The following GHR variants were observed in gnomAD, a reference collection of about 807,000 sequenced individuals.
GHR encodes GH receptor.
Under a neutral mutation model 67.1 loss-of-function variants are expected in GHR, and 35 were observed. That is an observed-to-expected ratio of 0.52 (90% CI 0.40 to 0.69). The LOEUF (loss-of-function observed/expected upper bound fraction) is 0.69. Ranked by LOEUF, GHR falls within the 30% of genes least tolerant of loss-of-function variation. GHR has a pLI of 0.00. For synonymous variants in GHR, 272 were observed against 269.1 expected (o/e 1.01, Z -0.10); for missense variants, 792 against 764.6 (o/e 1.04, Z -0.42).
At chr5:42,594,535 A>G (rs12653075) in intron 2 of GHR, among the ~76,000 whole-genome samples, 2 of 152,280 alleles carry the variant, frequency 1.3e-5, no homozygotes, top group South Asian at 2.1e-4. Context: ...TATTAGTGCT[A>G]TGTTTAAAGC....
Position 42,718,650 on chromosome 5 carries a change from T to A in GHR, c.1143T>A (p.Asp381Glu). 1 of 1,614,170 alleles carries A rather than the reference T, an allele frequency of 6.2e-7. No individual in the cohort carries two copies. The highest frequency in any genetic ancestry group is 8.5e-7 in the Non-Finnish European group (1 of 1,180,022). ...CACATAGTAACCTAGGGGTGAAGGATGGCGACTCTGGACGTACCAGCTGTT... is the reference window on the plus strand; with the variant it reads ...CACATAGTAACCTAGGGGTGAAGGAAGGCGACTCTGGACGTACCAGCTGTT... ...EKSHSNLGVK[D>E]GDSGRTSCCE... Residue 381 changes from aspartate to glutamate, a missense_variant, in exon 10 of 10, where the codon GAT (aspartate) becomes GAA (glutamate). Coordinates refer to ENST00000230882, the MANE Select transcript of GHR (RefSeq NM_000163.5).
At chr5:42,472,176 C>T (rs1745043459) in intron 1 of GHR, among the ~76,000 whole-genome samples, 1 of 152,134 alleles carries the variant, frequency 6.6e-6, no homozygotes, top group Non-Finnish European at 1.5e-5. Flanking sequence ...AAAATTCCAT[C>T]CCTTAAACAT....
chr5:42,604,692 A>G (rs1431721047), intron 2 of GHR, among the ~76,000 whole-genome samples: 2 of 141,494 alleles, frequency 1.4e-5, no homozygotes, highest in Non-Finnish European at 3.0e-5. Flanking sequence ...AACTGTGGAC[A>G]AAGTAATATC....
rs1748136659 is a variant in GHR at position 42,534,283 on chromosome 5, T to G, written c.-11-31581T>G. ...ATGTGTATATGTGTATATATGTATA[T>G]ATGTACATGTGTATATGTGTATATA... is the stretch of plus-strand genomic sequence containing the variant. On this transcript the variant is annotated intron_variant, in intron 1 of 9. Transcript: ENST00000230882. 1.4e-5 allele frequency among the ~76,000 whole-genome samples: 2 copies of G among 141,328 alleles called. 1 individual carries two copies. The highest frequency in any genetic ancestry group is 3.0e-5 in the Non-Finnish European group (2 of 66,574). 92.7% of individuals were successfully genotyped at this position (141,328 alleles called of 152,430 possible). A position where few individuals can be genotyped will look rare whatever the true frequency, so the allele number is the denominator to read the frequency against.
chr5:42,689,486 G>A (rs957558192), intron 4 of GHR, among the ~76,000 whole-genome samples: 1 of 152,116 alleles, frequency 6.6e-6, no homozygotes, highest in Non-Finnish European at 1.5e-5. Flanking sequence ...CTTGAATGAT[G>A]CTGAAATGCG....
At chr5:42,636,231 A>C (rs1282449384) in intron 3 of GHR, among the ~76,000 whole-genome samples, 2 of 151,512 alleles carry the variant, frequency 1.3e-5, no homozygotes, top group East Asian at 3.9e-4. Flanking sequence ...AAAAAAAAAA[A>C]AATTAGAGCC....
chr5:42,570,502 G>C (rs1279456330), intron 2 of GHR, among the ~76,000 whole-genome samples: 1 of 152,130 alleles, frequency 6.6e-6, no homozygotes, highest in Non-Finnish European at 1.5e-5. Context: ...ATTCAAGGAG[G>C]AATTTCATGT....
intron 2 of GHR, among the ~76,000 whole-genome samples, chr5:42,582,237 T>G (rs1413153671): frequency 6.6e-6 from 1 of 152,208 alleles, no homozygotes; most frequent in African/African-American, 2.4e-5. Flanking sequence ...CAGTCCCCAG[T>G]GAAGCTCCAC....
At chr5:42,507,100 T>C (rs1746810182) in intron 1 of GHR, among the ~76,000 whole-genome samples, 1 of 152,234 alleles carries the variant, frequency 6.6e-6, no homozygotes, top group Admixed American at 6.5e-5. Flanking sequence ...TGACACAGAA[T>C]CTTAGAGGCT....
chr5:42,670,535 TA>T (rs965943585), intron 3 of GHR, among the ~76,000 whole-genome samples: 6 of 152,004 alleles, frequency 3.9e-5, no homozygotes, highest in Admixed American at 6.6e-5. Context: ...TGCATCAGAC[TA>T]AAAAACTTCT....
At chr5:42,438,110 ATTAC>A (rs1490943214) in intron 1 of GHR, among the ~76,000 whole-genome samples, 1 of 152,180 alleles carries the variant, frequency 6.6e-6, no homozygotes, top group Non-Finnish European at 1.5e-5. Context: ...TGCTTAAGCA[ATTAC>A]TTCTGTGTAA....
chr5:42,516,420 T>C (rs1319376251), intron 1 of GHR, among the ~76,000 whole-genome samples: 1 of 152,116 alleles, frequency 6.6e-6, no homozygotes, highest in Non-Finnish European at 1.5e-5. Context: ...GGTGAGCTGG[T>C]TGAAATCCTG....
intron 1 of GHR, among the ~76,000 whole-genome samples, chr5:42,483,444 T>A (rs1745743438): frequency 6.6e-6 from 1 of 151,202 alleles, no homozygotes; most frequent in Non-Finnish European, 1.5e-5. Context: ...GCCCCATTGG[T>A]GAGTTTATGA....
chr5:42,675,565 G>T lies in GHR; in HGVS notation c.137-13325G>T, dbSNP rs145440482. Among the ~76,000 whole-genome samples, 30 of 152,250 alleles carry T rather than the reference G, an allele frequency of 2.0e-4. 5 individuals are homozygous for T. Among genetic ancestry groups the T allele is most frequent in the African/African-American group, 7.2e-4 (30 of 41,542 alleles). ...CCAAGTAAATCTTGTGAAAGCGAAA[G>T]GAAAGAGGAGAAGGAAGATTTGAGT... is the stretch of plus-strand genomic sequence containing the variant. On this transcript the variant is annotated intron_variant, in intron 3 of 9. Transcript: ENST00000230882.
intron 3 of GHR, among the ~76,000 whole-genome samples, chr5:42,679,046 C>T (rs1465083250): frequency 7.0e-6 from 1 of 142,856 alleles, no homozygotes; most frequent in African/African-American, 2.6e-5. Context: ...TTTATATTAA[C>T]AATATGTAAA....
intron 2 of GHR, among the ~76,000 whole-genome samples, chr5:42,593,121 C>T (rs940619576): frequency 2.6e-5 from 4 of 152,086 alleles, no homozygotes; most frequent in Admixed American, 6.5e-5. Flanking sequence ...TTCCAATAAT[C>T]GATTTTTTAA....
At chr5:42,476,399 T>C (rs552970584) in intron 1 of GHR, among the ~76,000 whole-genome samples, 10 of 151,842 alleles carry the variant, frequency 6.6e-5, no homozygotes, top group African/African-American at 2.4e-4. Context: ...TTTTTGTTTT[T>C]TAGTAGAGAC....
chr5:42,451,240 A>C (rs1251529343), intron 1 of GHR, among the ~76,000 whole-genome samples: 1 of 152,118 alleles, frequency 6.6e-6, no homozygotes, highest in Non-Finnish European at 1.5e-5. Context: ...GAAATCCCAC[A>C]CTATTATTAT....
chr5:42,489,650 T>A (rs562815301), intron 1 of GHR, among the ~76,000 whole-genome samples: 44 of 152,332 alleles, frequency 2.9e-4, no homozygotes, highest in Non-Finnish European at 4.7e-4. Flanking sequence ...CCTTCTTTCC[T>A]TGTTCTATCA....
Sources: allele counts gnomAD v4.1 joint callset (sites outside exome capture counted in the v4.1 genomes callset), GRCh38; gene constraint gnomAD v4.1.1; transcripts MANE v1.5; gene names NCBI Gene and HGNC (gene_info 2026-07-23, HGNC 2026-07-21).